Variants in SP140L observed in about 807,000 individuals in gnomAD.
The protein encoded by SP140L is SP140 like nuclear body protein, also known as nuclear body protein SP140-like protein.
In SP140L, 64 loss-of-function variants were observed where a neutral mutation model predicts 84.3. The observed-to-expected ratio is 0.76, with a 90% confidence interval of 0.62 to 0.94. SP140L has a LOEUF of 0.94. Ranked by LOEUF, SP140L falls within the 40% of genes least tolerant of loss-of-function variation. The probability of loss-of-function intolerance (pLI) is 0.00; values close to 1 mark genes in which losing one functional copy is unlikely to be tolerated. For missense variants in SP140L, 628 were observed against 692.5 expected (o/e 0.91, Z 1.05); for synonymous variants, 242 against 236.9 (o/e 1.02, Z -0.20).
At chr2:230,399,653 C>G (rs559007040) in intron 14 of SP140L, among the ~76,000 whole-genome samples, 8 of 152,212 alleles carry the variant, frequency 5.3e-5, no homozygotes, top group African/African-American at 1.7e-4. Context: ...CTAACTAGGC[C>G]CTGTCTTCAA....
Position 230,402,937 on chromosome 2 carries a change from C to G in SP140L, c.*41C>G. The G allele has an allele frequency of 6.6e-7, 1 of 1,516,756 alleles. No individual in the cohort carries two copies. Among genetic ancestry groups the G allele is most frequent in the South Asian group, 1.2e-5 (1 of 82,798 alleles). 94.0% of individuals were successfully genotyped at this position (1,516,756 alleles called of 1,614,324 possible). On this transcript the variant is annotated 3_prime_UTR_variant, in exon 19 of 19. Coordinates refer to ENST00000415673, the MANE Select transcript of SP140L (RefSeq NM_138402.6). ...CTGAAGGCCTTCAGGAAATATGCTA[C>G]TGGTTGCCACTGACTTCAAACTGAG...
chr2:230,368,384 C>T (rs940883184), intron 5 of SP140L, among the ~76,000 whole-genome samples: 21 of 152,258 alleles, frequency 1.4e-4, no homozygotes, highest in African/African-American at 4.6e-4. Flanking sequence ...CTTCTGTTCT[C>T]TTGCTGCTTT....
rs200753310 is a variant in SP140L, at chr2:230,392,158, G to T, written c.1036G>T (p.Gly346Cys). 221 of 1,614,108 alleles carry T rather than the reference G, an allele frequency of 1.4e-4. No individual in the cohort carries two copies. In the African/African-American group the frequency reaches 2.5e-3, roughly 18 times the overall value. ...FTPMEFEIKGGYARSKNWRLS... is the reference protein window; with the variant it reads ...FTPMEFEIKGCYARSKNWRLS... ...CCCCATGGAATTTGAAATCAAAGGA[G>T]GCTACGCAAGATCAAAGAACTGGAG... is the stretch of plus-strand genomic sequence containing the variant. Residue 346 changes from glycine to cysteine, a missense_variant, in exon 12 of 19, where the codon GGC (glycine) becomes TGC (cysteine). Physicochemically the swap from Gly to Cys is radical, Grantham distance 159. Transcript: ENST00000415673.
rs375177016 is a variant in SP140L, at chr2:230,383,552, C to T, written c.680C>T (p.Thr227Met). 74 of 1,604,954 alleles carry T rather than the reference C, an allele frequency of 4.6e-5. No individual in the cohort carries two copies. Among genetic ancestry groups the T allele is most frequent in the African/African-American group, 4.0e-5 (3 of 74,756 alleles). Residue 227 changes from threonine (T) to methionine (M), a missense_variant, in exon 8 of 19, where the codon ACG becomes ATG. This residue lies in a region of SP140L where 525 missense variants were observed against 518.4 expected (regional missense o/e 1.01). Coordinates refer to ENST00000415673, the MANE Select transcript of SP140L (RefSeq NM_138402.6). The part of the protein sequence containing the change: ...GHGWSRMGTR[T>M]QKNNQQNDNS... The stretch of plus-strand genomic sequence containing the variant: ...GGCTGGAGCAGAATGGGAACGAGAA[C>T]GCAGAAAAACAACCAACAAAATGGT...
intron 13 of SP140L, among the ~76,000 whole-genome samples, chr2:230,395,411 T>C (rs2062004950): frequency 6.6e-6 from 1 of 151,730 alleles, no homozygotes; most frequent in South Asian, 2.1e-4. Flanking sequence ...ATATCATCTC[T>C]ACCAAAAAAA....
intron 13 of SP140L, among the ~76,000 whole-genome samples, chr2:230,394,937 C>G (rs1191453002): frequency 3.3e-5 from 5 of 152,198 alleles, no homozygotes; most frequent in Non-Finnish European, 7.3e-5. Flanking sequence ...CAATCTGATA[C>G]ACTCACCCAG....
At chr2:230,333,269 C>T (rs2149676276) in intron 2 of SP140L, among the ~76,000 whole-genome samples, 1 of 152,072 alleles carries the variant, frequency 6.6e-6, no homozygotes, top group Admixed American at 6.5e-5. Context: ...AGTGATTCTC[C>T]TGCCTCAGCC....
At chr2:230,342,080 C>T (rs2060063445) in intron 2 of SP140L, 1 of 164,756 alleles carries the variant, frequency 6.1e-6, no homozygotes, top group Admixed American at 6.5e-5. Flanking sequence ...GGCGGGCGCC[C>T]CTCCCCCAGC....
At chr2:230,356,316 T>G (rs888715244) in intron 2 of SP140L, among the ~76,000 whole-genome samples, 1 of 152,188 alleles carries the variant, frequency 6.6e-6, no homozygotes. Flanking sequence ...GCAGTTTTAT[T>G]CATACTAGTC....
rs1164643912 is a variant in SP140L at position 230,337,434 on chromosome 2, T to C, written c.107+8603T>C. ...AGTAGGTTGCAAAAATTTTCTCCCA[T>C]TTTGTAGGTTGCCTGTTCACTCTGA... On this transcript the variant is annotated intron_variant, in intron 2 of 18. Coordinates refer to ENST00000415673, the MANE Select transcript of SP140L (RefSeq NM_138402.6). Among the ~76,000 whole-genome samples the C allele has an allele frequency of 2.6e-5, 4 of 152,124 alleles. No homozygotes were observed. In the East Asian group the frequency reaches 7.7e-4, roughly 29 times the overall value.
intron 2 of SP140L, among the ~76,000 whole-genome samples, chr2:230,335,121 C>T (rs371742260): frequency 1.2e-3 from 180 of 151,950 alleles, no homozygotes; most frequent in African/African-American, 4.2e-3. Flanking sequence ...TTCAATGAAC[C>T]ACTTTTTGCT....
At chr2:230,336,187 C>T (rs928957674) in intron 2 of SP140L, among the ~76,000 whole-genome samples, 8 of 152,116 alleles carry the variant, frequency 5.3e-5, no homozygotes, top group African/African-American at 1.4e-4. Flanking sequence ...GAGGTTTCCC[C>T]GTGGAAGTCT....
chr2:230,402,649 C>A, intron 18 of SP140L, 149 bp from the exon 19 acceptor site: 1 of 624,246 alleles, frequency 1.6e-6, no homozygotes, highest in South Asian at 2.1e-5. Flanking sequence ...CACAACACTG[C>A]TTTGTACTCC....
chr2:230,366,364 A>C (rs552000412), intron 5 of SP140L, among the ~76,000 whole-genome samples: 9 of 152,246 alleles, frequency 5.9e-5, no homozygotes, highest in African/African-American at 1.4e-4. Flanking sequence ...CTGCTTCATC[A>C]TTATATAATG....
intron 2 of SP140L, among the ~76,000 whole-genome samples, chr2:230,351,154 G>C (rs2060352829): frequency 6.6e-6 from 1 of 152,176 alleles, no homozygotes; most frequent in Non-Finnish European, 1.5e-5. Context: ...TGCTGGGTCA[G>C]TCAGTCTGTA....
chr2:230,338,012 T>C (rs1043686054), intron 2 of SP140L, among the ~76,000 whole-genome samples: 5 of 148,908 alleles, frequency 3.4e-5, no homozygotes, highest in Admixed American at 2.0e-4. Context: ...TTTAAAGTAG[T>C]TTTTTCCAGT....
At position 230,388,961 on chromosome 2, in the gene SP140L, A is replaced by G. The variant is rs1287658517; in HGVS notation, c.859+328A>G. Among the ~76,000 whole-genome samples, 3 of 152,202 alleles carry G rather than the reference A, an allele frequency of 2.0e-5. No homozygotes were observed. In the East Asian group the frequency reaches 5.8e-4, roughly 29 times the overall value. ...TGATTTAGCTGATCTTCCTCTGGCTACACAGAAAGCCACATGTTGCACACT... is the reference window on the plus strand; with the variant it reads ...TGATTTAGCTGATCTTCCTCTGGCTGCACAGAAAGCCACATGTTGCACACT... On this transcript the variant is annotated intron_variant, in intron 10 of 18. Transcript: ENST00000415673.
intron 9 of SP140L, among the ~76,000 whole-genome samples, chr2:230,387,732 C>T (rs996830523): frequency 1.4e-4 from 22 of 152,196 alleles, no homozygotes; most frequent in African/African-American, 5.3e-4. Flanking sequence ...GAGATGCCCA[C>T]TCACAGCCAA....
chr2:230,371,621 T>C lies in SP140L; in HGVS notation c.607T>C (p.Ser203Pro). Residue 203 changes from serine (S) to proline (P), a missense_variant, in exon 7 of 19, where the codon TCT (serine) becomes CCT (proline). By Grantham distance (74) the Ser-to-Pro change is moderately conservative (BLOSUM62 -1). Coordinates refer to ENST00000415673, the MANE Select transcript of SP140L (RefSeq NM_138402.6). Reference sequence around the variant, plus strand: ...AGATACTGTGGATATTGCAAACAACTCTACTTTGGGAAAACCCAAGAGGAA... The same window carrying C: ...AGATACTGTGGATATTGCAAACAACCCTACTTTGGGAAAACCCAAGAGGAA... ...KMDTVDIANN[S>P]TLGKPKRKRR... 2 of 1,607,280 alleles carry C rather than the reference T, an allele frequency of 1.2e-6. No individual in the cohort carries two copies. Among genetic ancestry groups the C allele is most frequent in the African/African-American group, 2.7e-5 (2 of 74,772 alleles).
Sources: allele counts gnomAD v4.1 joint callset (sites outside exome capture counted in the v4.1 genomes callset), GRCh38; gene constraint gnomAD v4.1.1; regional missense constraint gnomAD v4.1.1; transcripts MANE v1.5; gene names NCBI Gene and HGNC (gene_info 2026-07-23, HGNC 2026-07-21).